STXBP5: variants seen among roughly 807,000 people sequenced by gnomAD.
STXBP5 encodes the protein syntaxin binding protein 5, also known as syntaxin-binding protein 5.
STXBP5 carries 50 observed loss-of-function variants against 152.4 expected under a neutral mutation model. The observed-to-expected ratio is 0.33, with a 90% CI of 0.26 to 0.42. STXBP5 has a LOEUF of 0.42. STXBP5 is among the 10% of genes least tolerant of loss of function. STXBP5 has a pLI of 1.00. For missense variants in STXBP5, 1,167 were observed against 1,388.6 expected, an observed-to-expected ratio of 0.84 and a Z score of 2.54; for synonymous variants, 492 against 494.7, an observed-to-expected ratio of 0.99 and a Z score of 0.07.
In STXBP5 at chr6:147,363,349, T is replaced by G; in HGVS notation, c.2560T>G (p.Leu854Val). The change falls in exon 24 of 28, where the codon TTA becomes GTA. Residue 854 changes from leucine (L) to valine (V), a missense_variant. By Grantham distance (32) the Leu-to-Val change is conservative (BLOSUM62 1). Around this residue, in one of 3 missense-constraint regions of STXBP5, gnomAD observed 833 missense variants for 986.3 expected, o/e 0.84. Transcript: ENST00000321680. ...IVSPSGTILR[L>V]KGAILRMAFL... ...CTATATTTTAGGTACTATATTGAGG[T>G]TAAAAGGTGCAATCTTGAGAATGGC... 1 of 1,598,102 alleles carries G rather than the reference T, an allele frequency of 6.3e-7. No individual in the cohort carries two copies. Among genetic ancestry groups the G allele is most frequent in the Admixed American group, 1.8e-5 (1 of 56,550 alleles).
intron 11 of STXBP5, among the ~76,000 whole-genome samples, chr6:147,312,269 C>G (rs936343093): frequency 6.6e-6 from 1 of 152,074 alleles, no homozygotes; most frequent in Non-Finnish European, 1.5e-5. Context: ...ACCATAGCTT[C>G]TTTGTAACTT....
At chr6:147,289,313 A>G (rs1459152818) in intron 8 of STXBP5, among the ~76,000 whole-genome samples, 2 of 152,186 alleles carry the variant, frequency 1.3e-5, no homozygotes, top group Admixed American at 6.5e-5. Flanking sequence ...CTAGCCATTC[A>G]TAGACATTTA....
At chr6:147,353,015 A>C (rs1025460209) in intron 21 of STXBP5, among the ~76,000 whole-genome samples, 1 of 151,970 alleles carries the variant, frequency 6.6e-6, no homozygotes, top group Non-Finnish European at 1.5e-5. Context: ...CAGTGGTTAC[A>C]TGCCTGTAGT....
chr6:147,335,080 T>C (rs755302456), intron 19 of STXBP5, among the ~76,000 whole-genome samples: 3 of 152,206 alleles, frequency 2.0e-5, no homozygotes, highest in Non-Finnish European at 4.4e-5. Flanking sequence ...ATTTTCCTGA[T>C]ACTAACTAGT....
intron 6 of STXBP5, among the ~76,000 whole-genome samples, chr6:147,263,342 C>CTTT (rs1029110765): frequency 2.3e-5 from 3 of 128,828 alleles, no homozygotes; most frequent in Non-Finnish European, 5.0e-5. Flanking sequence ...TTCTTTCTTT[C>CTTT]TTTTTTTTTT....
chr6:147,310,285 TA>T (rs11415538), intron 10 of STXBP5, 47 bp downstream of exon 10: 96,423 of 1,093,768 alleles, frequency 0.088, no homozygotes, highest in East Asian at 0.2. Flanking sequence ...GAGCTGATAT[TA>T]AAAAAAAAAA....
chr6:147,352,239 AGTTAACTTATATCAAG>A lies in STXBP5; in HGVS notation c.2255-1082_2255-1067del, dbSNP rs1268137089. ...TTTTTCACTAAAATGTAAATAGAAG[AGTTAACTTATATCAAG>A]GAGTGGTTGAGTCAGATATTGTATA... On this transcript the variant is annotated intron_variant, in intron 21 of 27. Transcript: ENST00000321680. 2.0e-5 allele frequency among the ~76,000 whole-genome samples: 3 copies of A among 152,250 alleles called. No individual in the cohort carries two copies. The East Asian group carries it at 5.8e-4, about 29-fold the overall frequency.
chr6:147,303,876 G>A (rs1371361780), intron 9 of STXBP5, among the ~76,000 whole-genome samples: 1 of 152,112 alleles, frequency 6.6e-6, no homozygotes, highest in Non-Finnish European at 1.5e-5. Flanking sequence ...GTGGCTTTTT[G>A]CCCCTGTCCT....
chr6:147,260,845 AAT>A, intron 5 of STXBP5, 96 bp downstream of exon 5: 1 of 1,382,152 alleles, frequency 7.2e-7, no homozygotes, highest in Non-Finnish European at 9.8e-7. Context: ...TATGGAATTA[AAT>A]ATGTGACAGA....
intron 6 of STXBP5, among the ~76,000 whole-genome samples, chr6:147,266,628 G>A (rs1308700081): frequency 6.6e-6 from 1 of 152,024 alleles, no homozygotes; most frequent in East Asian, 1.9e-4. Flanking sequence ...TCAGTTTGGG[G>A]CACATTTACT....
Position 147,273,977 on chromosome 6 carries a change from A to G in STXBP5, c.715-4104A>G, listed in dbSNP as rs149748734. Among the ~76,000 whole-genome samples the G allele has an allele frequency of 5.9e-5, 9 of 151,760 alleles. No homozygotes were observed. In the East Asian group the frequency reaches 1.7e-3, roughly 29 times the overall value. On this transcript the variant is annotated intron_variant, in intron 7 of 27. Transcript: ENST00000321680. ...AAAAAAAAAAAAAAGTTGAAATAAT[A>G]TGTTTGCAGCTCACAGCACAGGAAT...
Position 147,204,573 on chromosome 6 carries a change from C to A in STXBP5, c.41C>A (p.Thr14Asn). Reference protein sequence around the residue: ...FNIRKVLDGLTAGSSSASQQQ... With the variant: ...FNIRKVLDGLNAGSSSASQQQ... ...ATCAGGAAGGTGCTGGACGGCCTGA[C>A]CGCCGGCTCGTCCTCGGCGTCGCAG... The change falls in exon 1 of 28, where the codon ACC becomes AAC. Residue 14 changes from threonine to asparagine, a missense_variant. Thr to Asn is a moderately conservative substitution (Grantham distance 65, BLOSUM62 0). Coordinates refer to ENST00000321680, the MANE Select transcript of STXBP5 (RefSeq NM_001127715.4). This position sits in a 1 kb window ranked among gnomAD's most constrained non-coding sequence, Gnocchi z 4.3. 6.2e-7 allele frequency: 1 copy of A among 1,610,142 alleles called. No individual in the cohort carries two copies. Among genetic ancestry groups the A allele is most frequent in the Non-Finnish European group, 8.5e-7 (1 of 1,178,332 alleles).
intron 2 of STXBP5, among the ~76,000 whole-genome samples, chr6:147,231,097 T>C (rs1454949843): frequency 6.6e-6 from 1 of 151,772 alleles, no homozygotes; most frequent in Non-Finnish European, 1.5e-5. Context: ...TAAAAAAAAA[T>C]AAATAGATAA....
chr6:147,352,025 A>G (rs1177704596), intron 21 of STXBP5: 1 of 215,236 alleles, frequency 4.6e-6, no homozygotes, highest in Non-Finnish European at 8.0e-6. Flanking sequence ...CCACTAACAT[A>G]ATAGATATAG....
At chr6:147,249,010 A>G (rs1212723239) in intron 4 of STXBP5, among the ~76,000 whole-genome samples, 1 of 152,164 alleles carries the variant, frequency 6.6e-6, no homozygotes, top group African/African-American at 2.4e-5. Flanking sequence ...GCAGGGAGAC[A>G]GGGATTCAGA....
chr6:147,286,341 G>A (rs998619878), intron 8 of STXBP5, among the ~76,000 whole-genome samples: 34 of 152,184 alleles, frequency 2.2e-4, no homozygotes, highest in African/African-American at 7.9e-4. Context: ...AATTAAGACA[G>A]GATTCAATGT....
At chr6:147,360,113 G>C (rs1397913702) in intron 23 of STXBP5, among the ~76,000 whole-genome samples, 1 of 152,168 alleles carries the variant, frequency 6.6e-6, no homozygotes, top group Non-Finnish European at 1.5e-5. Context: ...TCTCACACCA[G>C]TTAGAATGGC....
At chr6:147,324,159 C>T (rs1030714439) in intron 16 of STXBP5, among the ~76,000 whole-genome samples, 1 of 151,896 alleles carries the variant, frequency 6.6e-6, no homozygotes, top group Non-Finnish European at 1.5e-5. Flanking sequence ...CACACACACA[C>T]ACACAAATTG....
chr6:147,265,654 G>A (rs973673533), intron 6 of STXBP5, among the ~76,000 whole-genome samples: 8 of 151,948 alleles, frequency 5.3e-5, no homozygotes, highest in East Asian at 1.9e-4. Flanking sequence ...AAATACTGAG[G>A]TGGGGCCTGG....
Sources: allele counts gnomAD v4.1 joint callset (sites outside exome capture counted in the v4.1 genomes callset), GRCh38; gene constraint gnomAD v4.1.1; regional missense constraint gnomAD v4.1.1; non-coding constraint Gnocchi (gnomAD v3.1); transcripts MANE v1.5; gene names NCBI Gene and HGNC (gene_info 2026-07-23, HGNC 2026-07-21).